The following RECQL variants were observed in gnomAD, a reference collection of about 807,000 sequenced individuals.
RECQL encodes ATP-dependent DNA helicase Q1.
Under a neutral mutation model 75.8 loss-of-function variants are expected in RECQL, and 73 were observed. That is an observed-to-expected ratio of 0.96 (90% CI 0.80 to 1.17). The LOEUF is 1.17. Among genes scored for constraint, RECQL ranks in the 50% most tolerant of loss-of-function variants. RECQL has a pLI of 0.00. For missense variants in RECQL, 699 were observed against 772.1 expected (o/e 0.91, Z 1.12); for synonymous variants, 248 against 254.4 (o/e 0.97, Z 0.24).
rs1304532489 is a variant in RECQL at position 21,469,476 on chromosome 12, T to C, written c.*718A>G. 1 of 150,870 alleles carries C rather than the reference T, an allele frequency of 6.6e-6. No individual in the cohort carries two copies. The highest frequency in any genetic ancestry group is 1.5e-5 in the Non-Finnish European group (1 of 67,774). 9.3% of individuals were successfully genotyped at this position (150,870 alleles called of 1,614,324 possible). A position where few individuals can be genotyped will look rare whatever the true frequency, so the allele number is the denominator to read the frequency against. On this transcript the variant is annotated 3_prime_UTR_variant, in exon 15 of 15. Transcript: ENST00000444129. ...AATGTGGCTCAGGGAAGCCAAAAGA[T>C]TGGACATCCCTGATCTACATATTTA...
intron 2 of RECQL, among the ~76,000 whole-genome samples, chr12:21,495,410 C>A (rs1943487192): frequency 6.6e-6 from 1 of 152,268 alleles, no homozygotes; most frequent in South Asian, 2.1e-4. Context: ...TCCTGGCTAA[C>A]ATGGTGAAAC....
intron 2 of RECQL, among the ~76,000 whole-genome samples, chr12:21,496,674 A>C (rs1943514122): frequency 2.0e-5 from 3 of 152,228 alleles, no homozygotes; most frequent in South Asian, 2.1e-4. Context: ...CCTTGGTGAG[A>C]GTCAAAGGGT....
Position 21,469,397 on chromosome 12 carries a change from A to C in RECQL, c.*797T>G, listed in dbSNP as rs1214630307. On this transcript the variant is annotated 3_prime_UTR_variant, in exon 15 of 15. Transcript: ENST00000444129. ...CAATTTTTTTTTTTTTAAGCTCATCAGCTATCGTCAGTGTTAGCATATTTT... is the reference window on the plus strand; with the variant it reads ...CAATTTTTTTTTTTTTAAGCTCATCCGCTATCGTCAGTGTTAGCATATTTT... 6.6e-6 allele frequency: 1 copy of C among 151,658 alleles called. No homozygotes were observed. The highest frequency in any genetic ancestry group is 2.1e-4 in the South Asian group (1 of 4,822). 9.4% of individuals were successfully genotyped at this position (151,658 alleles called of 1,614,324 possible).
At chr12:21,498,042 A>T (rs1164684779) in intron 2 of RECQL, among the ~76,000 whole-genome samples, 1 of 152,228 alleles carries the variant, frequency 6.6e-6, no homozygotes, top group East Asian at 1.9e-4. Context: ...CCATCCAGGA[A>T]TTCACGGAAT....
At chr12:21,487,797 T>C (rs1317994153) in intron 4 of RECQL, among the ~76,000 whole-genome samples, 1 of 151,968 alleles carries the variant, frequency 6.6e-6, no homozygotes, top group Non-Finnish European at 1.5e-5. Context: ...TTGAAGGGAG[T>C]GCCCTTTCTT....
chr12:21,473,454 ACAAAATCACCTAGT>A (rs1943022635), intron 12 of RECQL, 83 bp downstream of exon 12: 9 of 905,162 alleles, frequency 9.9e-6, no homozygotes, highest in Admixed American at 2.0e-5. Flanking sequence ...TTGCACAATG[ACAAAATCACCTAGT>A]GATGCATTTC....
chr12:21,497,979 C>T (rs530017257), intron 2 of RECQL, among the ~76,000 whole-genome samples: 3 of 152,342 alleles, frequency 2.0e-5, no homozygotes, highest in Non-Finnish European at 4.4e-5. Context: ...GATACAGATG[C>T]TTACTCCGGA....
Position 21,483,485 on chromosome 12 carries a change from G to T in RECQL, c.591C>A (p.Ser197Arg), listed in dbSNP as rs1168848263. Residue 197 changes from serine to arginine, a missense_variant, in exon 6 of 15, where the codon AGC (serine) becomes AGA (arginine). Physicochemically the swap from Ser to Arg is moderately radical, Grantham distance 110. Transcript: ENST00000444129. ...TCTCTAGTCTTGACATAAACATTTT[G>T]CTTTTTGCAATTTTCTCTGGAGTCA... ...IYVTPEKIAKSKMFMSRLEKA... is the reference protein window; with the variant it reads ...IYVTPEKIAKRKMFMSRLEKA... 6.3e-7 allele frequency: 1 copy of T among 1,586,038 alleles called. No individual in the cohort carries two copies.
In RECQL at chr12:21,490,372, G is replaced by T; in HGVS notation, c.221C>A (p.Pro74Gln). 1 of 1,599,894 alleles carries T rather than the reference G, an allele frequency of 6.3e-7. No homozygotes were observed. The highest frequency in any genetic ancestry group is 8.5e-7 in the Non-Finnish European group (1 of 1,169,844). The change falls in exon 4 of 15, where the codon CCA (proline) becomes CAA (glutamine). Residue 74 changes from proline to glutamine, a missense_variant. This residue lies in a region of RECQL where 669 missense variants were observed against 713.5 expected (regional missense o/e 0.94). Coordinates refer to ENST00000444129, the MANE Select transcript of RECQL (RefSeq NM_002907.4). Reference sequence around the variant, plus strand: ...AATATCTTTAACTTTACCAGACCATGGAAAATCTAGGAAAAGAAAGTTAAG... The same window carrying T: ...AATATCTTTAACTTTACCAGACCATTGAAAATCTAGGAAAAGAAAGTTAAG... ...SPAAWNKEDF[P>Q]WSGKVKDILQ...
rs74067201 is a variant in RECQL, at chr12:21,477,515, T to C, written c.867+288A>G. ...AGTATCACTCCATCCTTTCTCTCCATCTTTATACAAAAAAGAACATACAGA... is the reference window on the plus strand; with the variant it reads ...AGTATCACTCCATCCTTTCTCTCCACCTTTATACAAAAAAGAACATACAGA... On this transcript the variant is annotated intron_variant, in intron 7 of 14. Coordinates refer to ENST00000444129, the MANE Select transcript of RECQL (RefSeq NM_002907.4). Among the ~76,000 whole-genome samples, 7,979 of 152,226 alleles carry C rather than the reference T, an allele frequency of 0.052. 236 individuals carry two copies. The highest frequency in any genetic ancestry group is 0.075 in the African/African-American group (3,097 of 41,530).
Position 21,486,572 on chromosome 12 carries a change from G to A in RECQL, c.408C>T (p.Val136=). The A allele has an allele frequency of 6.6e-7, 1 of 1,513,770 alleles. No homozygotes were observed. Among genetic ancestry groups the A allele is most frequent in the Admixed American group, 2.0e-5 (1 of 51,054 alleles). The allele number at this position is 1,513,770 out of a possible 1,614,324, so 93.8% of individuals were successfully genotyped here. Residue 136 remains valine, a synonymous_variant, in exon 5 of 15, where the codon GTC becomes GTT. Transcript: ENST00000444129. ...CCATAAGAGAGATCAATGGGCAAAT[G>A]ACGAGTGTAAAACCTAAAAGAGAAA... The part of the protein sequence containing the change: ...PALCSDGFTL[V]ICPLISLMED...
Position 21,491,720 on chromosome 12 carries a change from T to C in RECQL, c.17-4A>G, listed in dbSNP as rs753773425. ...GAATCCAGTTCCTCAGTTAGAGCTA[T>C]GGGAGGCAGCGCGGATACAATGATT... On this transcript the variant is annotated splice_region_variant and splice_polypyrimidine_tract_variant and intron_variant, in intron 2 of 14. Transcript: ENST00000444129. The C allele has an allele frequency of 8.1e-6, 13 of 1,606,674 alleles. No homozygotes were observed. The highest frequency in any genetic ancestry group is 1.1e-5 in the Non-Finnish European group (13 of 1,177,472).
chr12:21,487,972 C>T (rs1943337157), intron 4 of RECQL, among the ~76,000 whole-genome samples: 1 of 152,194 alleles, frequency 6.6e-6, no homozygotes, highest in African/African-American at 2.4e-5. Flanking sequence ...TATTCTGTTA[C>T]AGCAGCTGGA....
In RECQL at chr12:21,496,757, G is replaced by A. The variant is rs146893398; in HGVS notation, c.16+2798C>T. On this transcript the variant is annotated intron_variant, in intron 2 of 14. Transcript: ENST00000444129. ...TATCTGGCCCCTCCTATTACTAAGA[G>A]AGCAGCACAGAGCCTAATGGACTAC... is the stretch of plus-strand genomic sequence containing the variant. 5.3e-5 allele frequency among the ~76,000 whole-genome samples: 8 copies of A among 152,354 alleles called. No homozygotes were observed. In the East Asian group the frequency reaches 5.8e-4, roughly 11 times the overall value.
rs752255394 is a variant in RECQL at position 21,477,002 on chromosome 12, A to T, written c.868-10T>A. On this transcript the variant is annotated splice_polypyrimidine_tract_variant and intron_variant, in intron 7 of 14. Transcript: ENST00000444129. ...AGGGCTTCTGCCGAACCTAAAAAAAACTTAACTTATTAAAAAGTAAATGAA... is the reference window on the plus strand; with the variant it reads ...AGGGCTTCTGCCGAACCTAAAAAAATCTTAACTTATTAAAAAGTAAATGAA... 10 of 1,596,758 alleles carry T rather than the reference A, an allele frequency of 6.3e-6. No homozygotes were observed. In the Middle Eastern group the frequency reaches 5.0e-4, roughly 80 times the overall value.
Position 21,483,375 on chromosome 12 carries a change from C to T in RECQL, c.700+1G>A, listed in dbSNP as rs2137373382. The T allele has an allele frequency of 1.3e-6, 2 of 1,595,710 alleles. No homozygotes were observed. The highest frequency in any genetic ancestry group is 1.7e-6 in the Non-Finnish European group (2 of 1,172,524). On this transcript the variant is annotated splice_donor_variant, in intron 6 of 14. Transcript: ENST00000444129. LOFTEE classifies it high-confidence loss of function. The stretch of plus-strand genomic sequence containing the variant: ...AAGTTTTCTAGATAAAACATACATA[C>T]CAGGTCTGAAATCATGTCCCCACTG...
chr12:21,485,579 T>C (rs1360192647), intron 5 of RECQL, among the ~76,000 whole-genome samples: 1 of 152,148 alleles, frequency 6.6e-6, no homozygotes, highest in South Asian at 2.1e-4. Flanking sequence ...GATAGAAATC[T>C]GAATTTTTTT....
rs376037221 is a variant in RECQL, at chr12:21,474,873, A to C, written c.1323T>G (p.Tyr441Ter). 3.1e-6 allele frequency: 5 copies of C among 1,612,926 alleles called. No individual in the cohort carries two copies. The highest frequency in any genetic ancestry group is 4.2e-6 in the Non-Finnish European group (5 of 1,178,998). ...VMENVGQQKL[Y>*]EMVSYCQNIS... ...TGTTTTGACAGTATGATACCATCTCATAAAGCTTCTGCTGTCCCACATTTT... is the reference window on the plus strand; with the variant it reads ...TGTTTTGACAGTATGATACCATCTCCTAAAGCTTCTGCTGTCCCACATTTT... The change falls in exon 11 of 15, where the codon TAT becomes TAG. Residue 441 changes from tyrosine to a stop codon, truncating the protein, a stop_gained. Coordinates refer to ENST00000444129, the MANE Select transcript of RECQL (RefSeq NM_002907.4). LOFTEE classifies it high-confidence loss of function.
chr12:21,484,091 T>C (rs895411818), intron 5 of RECQL, among the ~76,000 whole-genome samples: 1 of 152,112 alleles, frequency 6.6e-6, no homozygotes, highest in African/African-American at 2.4e-5. Flanking sequence ...TATCACTCAT[T>C]AAATTAAGAT....
Sources: gnomAD v4.1 joint callset for allele counts (sites outside exome capture counted in the v4.1 genomes callset) on GRCh38, gnomAD v4.1.1 for gene constraint, gnomAD v4.1.1 regional missense constraint, MANE v1.5 for transcripts, NCBI Gene and HGNC (gene_info 2026-07-23, HGNC 2026-07-21) for gene names.